MAP3K4: variants seen among roughly 807,000 people sequenced by gnomAD.
MAP3K4 encodes mitogen-activated protein kinase kinase kinase 4, also known as MAP three kinase 1.
In MAP3K4, 67 loss-of-function variants were observed where a neutral mutation model predicts 185.6. The ratio of observed to expected loss-of-function variants is 0.36; its 90% confidence interval spans 0.30 to 0.44. The LOEUF (loss-of-function observed/expected upper bound fraction) is 0.44, where lower values mean the gene tolerates loss of function less well. Among genes scored for constraint, MAP3K4 ranks in the 20% least tolerant of loss-of-function variants. The pLI, the probability that MAP3K4 is intolerant of heterozygous loss-of-function variation, is 1.00. For missense variants in MAP3K4, 1,551 were observed against 1,995.1 expected (o/e 0.78, Z 4.24); for synonymous variants, 702 against 710.4 (o/e 0.99, Z 0.19).
chr6:161,098,273 C>T lies in MAP3K4; in HGVS notation c.3525-5C>T. ...GTGTTCCTGAAGCTTTTCTTCTTGTCTTAGCACTCGGAGCATGCCTTCCGA... is the reference window on the plus strand; with the variant it reads ...GTGTTCCTGAAGCTTTTCTTCTTGTTTTAGCACTCGGAGCATGCCTTCCGA... On this transcript the variant is annotated splice_polypyrimidine_tract_variant and splice_region_variant and intron_variant, in intron 16 of 26. Coordinates refer to ENST00000392142, the MANE Select transcript of MAP3K4 (RefSeq NM_005922.4). The surrounding 1 kb of genome is among the most constrained non-coding windows in gnomAD (Gnocchi z 4.4). 1 of 1,611,750 alleles carries T rather than the reference C, an allele frequency of 6.2e-7. No homozygotes were observed. Among genetic ancestry groups the T allele is most frequent in the Non-Finnish European group, 8.5e-7 (1 of 1,178,892 alleles).
intron 5 of MAP3K4, among the ~76,000 whole-genome samples, chr6:161,078,599 G>A (rs1226218640): frequency 2.6e-5 from 4 of 152,170 alleles, no homozygotes; most frequent in African/African-American, 9.7e-5. Flanking sequence ...TTGAACTGGT[G>A]ATTTGGGGGT....
chr6:161,096,365 T>G lies in MAP3K4; in HGVS notation c.3428-715T>G, dbSNP rs1777573556. The stretch of plus-strand genomic sequence containing the variant: ...ACTAAGGAGGGTTAAAACAGAGTGG[T>G]AAAAGTGAAGAAGAGAAAAGCATGT... On this transcript the variant is annotated intron_variant, in intron 15 of 26. Transcript: ENST00000392142. The surrounding 1 kb of genome is among the most constrained non-coding windows in gnomAD (Gnocchi z 4.9). Among the ~76,000 whole-genome samples the G allele has an allele frequency of 6.6e-6, 1 of 151,838 alleles. No individual in the cohort carries two copies. Among genetic ancestry groups the G allele is most frequent in the East Asian group, 1.9e-4 (1 of 5,184 alleles).
At chr6:161,035,559 G>A (rs1440651876) in intron 2 of MAP3K4, among the ~76,000 whole-genome samples, 1 of 152,154 alleles carries the variant, frequency 6.6e-6, no homozygotes, top group African/African-American at 2.4e-5. Flanking sequence ...TCCCACAAAT[G>A]ATTTTTCCAC....
chr6:161,079,217 A>G (rs1360661931), intron 5 of MAP3K4, among the ~76,000 whole-genome samples: 1 of 3,410 alleles, frequency 2.9e-4, no homozygotes, highest in Non-Finnish European at 6.0e-4. Context: ...CTGTCTCAAG[A>G]AAAAAAAAAA....
Position 161,064,744 on chromosome 6 carries a change from A to T in MAP3K4, c.1708-5864A>T, listed in dbSNP as rs1383835344. On this transcript the variant is annotated intron_variant, in intron 3 of 26. Coordinates refer to ENST00000392142, the MANE Select transcript of MAP3K4 (RefSeq NM_005922.4). The surrounding 1 kb of genome is among the most constrained non-coding windows in gnomAD (Gnocchi z 4.3). ...GCATGGTCTTAATATAGAATCTCTA[A>T]GATGGAGAGCACCCTTTCAATGATT... 2.0e-5 allele frequency among the ~76,000 whole-genome samples: 3 copies of T among 152,226 alleles called. No homozygotes were observed. Among genetic ancestry groups the T allele is most frequent in the Admixed American group, 6.5e-5 (1 of 15,284 alleles).
intron 3 of MAP3K4, among the ~76,000 whole-genome samples, chr6:161,059,298 G>C (rs1784386107): frequency 6.6e-6 from 1 of 152,028 alleles, no homozygotes; most frequent in Non-Finnish European, 1.5e-5. Flanking sequence ...ACCACACCTG[G>C]CTAATTTTTT....
rs1030178976 is a variant in MAP3K4, at chr6:161,067,642, C to T, written c.1708-2966C>T. Among the ~76,000 whole-genome samples the T allele has an allele frequency of 6.6e-6, 1 of 152,186 alleles. No homozygotes were observed. Among genetic ancestry groups the T allele is most frequent in the Non-Finnish European group, 1.5e-5 (1 of 68,036 alleles). ...GCTAATGCAGATTACTACGTGGAAACGGTGTGTTCTTCCAACTTTATATTT... is the reference window on the plus strand; with the variant it reads ...GCTAATGCAGATTACTACGTGGAAATGGTGTGTTCTTCCAACTTTATATTT... On this transcript the variant is annotated intron_variant, in intron 3 of 26. Coordinates refer to ENST00000392142, the MANE Select transcript of MAP3K4 (RefSeq NM_005922.4). The surrounding 1 kb of genome is among the most constrained non-coding windows in gnomAD (Gnocchi z 6.3).
chr6:161,021,302 A>G (rs537994080), intron 1 of MAP3K4, among the ~76,000 whole-genome samples: 39 of 152,294 alleles, frequency 2.6e-4, no homozygotes, highest in African/African-American at 7.5e-4. Flanking sequence ...GGGATAAGAC[A>G]TAACGTAGTC....
At position 161,089,359 on chromosome 6, in the gene MAP3K4, A is replaced by T; in HGVS notation, c.2861A>T (p.His954Leu). The T allele has an allele frequency of 1.9e-6, 3 of 1,614,202 alleles. No individual in the cohort carries two copies. The highest frequency in any genetic ancestry group is 2.5e-6 in the Non-Finnish European group (3 of 1,180,044). ...TTACTAGTTGTCATGCAGTCTGCGC[A>T]TCTCACAATTCAGAGAAAAGCTTTC... The part of the protein sequence containing the change: ...NLLLVVMQSA[H>L]LTIQRKAFQQ... The change falls in exon 11 of 27, where the codon CAT becomes CTT. Residue 954 changes from histidine to leucine, a missense_variant. Around this residue, in one of 16 missense-constraint regions of MAP3K4, gnomAD observed 261 missense variants for 306.5 expected, o/e 0.85. Coordinates refer to ENST00000392142, the MANE Select transcript of MAP3K4 (RefSeq NM_005922.4).
Position 161,067,134 on chromosome 6 carries a change from C to T in MAP3K4, c.1708-3474C>T. The T allele has an allele frequency of 4.3e-6, 1 of 232,020 alleles. No homozygotes were observed. Among genetic ancestry groups the T allele is most frequent in the Non-Finnish European group, 9.1e-6 (1 of 109,800 alleles). 14.4% of individuals were successfully genotyped at this position (232,020 alleles called of 1,614,324 possible). ...AGGATGTGTGCGCCTGTGACACAGC[C>T]TCAGGACGTCCTGACTATGTGTGCC... On this transcript the variant is annotated intron_variant, in intron 3 of 26. Coordinates refer to ENST00000392142, the MANE Select transcript of MAP3K4 (RefSeq NM_005922.4). The surrounding 1 kb of genome is among the most constrained non-coding windows in gnomAD (Gnocchi z 6.3).
chr6:161,026,289 C>T (rs974154845), intron 1 of MAP3K4, among the ~76,000 whole-genome samples: 9 of 112,772 alleles, frequency 8.0e-5, no homozygotes, highest in East Asian at 5.2e-4. Context: ...CGCCACCACG[C>T]GCAGCTAATT....
At position 161,064,424 on chromosome 6, in the gene MAP3K4, C is replaced by T. The variant is rs940792539; in HGVS notation, c.1708-6184C>T. 7.9e-5 allele frequency among the ~76,000 whole-genome samples: 12 copies of T among 151,072 alleles called. No individual in the cohort carries two copies. The highest frequency in any genetic ancestry group is 7.9e-4 in the Admixed American group (12 of 15,176). ...TTGCTTATAACATACATTAGATAAC[C>T]CATTATTTTCCAACTTCTTAAACTG... On this transcript the variant is annotated intron_variant, in intron 3 of 26. Coordinates refer to ENST00000392142, the MANE Select transcript of MAP3K4 (RefSeq NM_005922.4). The surrounding 1 kb of genome is among the most constrained non-coding windows in gnomAD (Gnocchi z 4.3).
chr6:161,002,588 G>GGT (rs1781374283), intron 1 of MAP3K4, among the ~76,000 whole-genome samples: 1 of 92,352 alleles, frequency 1.1e-5, no homozygotes, highest in African/African-American at 3.8e-5. Flanking sequence ...AATAGTTTTG[G>GGT]CTTTTTTTTT....
At chr6:161,003,470 T>C (rs1012517012) in intron 1 of MAP3K4, among the ~76,000 whole-genome samples, 22 of 152,218 alleles carry the variant, frequency 1.4e-4, no homozygotes, top group Non-Finnish European at 2.8e-4. Flanking sequence ...TTCTTCTTGA[T>C]TAGAGTTCTA....
rs1781628874 is a variant in MAP3K4 at position 161,007,189 on chromosome 6, A to G, written c.152+15106A>G. 2.0e-5 allele frequency among the ~76,000 whole-genome samples: 3 copies of G among 152,322 alleles called. No individual in the cohort carries two copies. Among genetic ancestry groups the G allele is most frequent in the African/African-American group, 7.2e-5 (3 of 41,580 alleles). On this transcript the variant is annotated intron_variant, in intron 1 of 26. Coordinates refer to ENST00000392142, the MANE Select transcript of MAP3K4 (RefSeq NM_005922.4). The surrounding 1 kb of genome is among the most constrained non-coding windows in gnomAD (Gnocchi z 4.5). ...AGGTCTTGTTACTTGGGTGGAGTCA[A>G]CAGGGATCTGAAGGCAAGGTCTTCA...
At chr6:161,046,980 A>T (rs1401655542) in intron 2 of MAP3K4, among the ~76,000 whole-genome samples, 1 of 147,512 alleles carries the variant, frequency 6.8e-6, no homozygotes, top group Non-Finnish European at 1.5e-5. Context: ...TATATAAGAA[A>T]TATATACTAA....
intron 2 of MAP3K4, among the ~76,000 whole-genome samples, chr6:161,044,538 A>T (rs1783631452): frequency 6.6e-6 from 1 of 152,126 alleles, no homozygotes; most frequent in Non-Finnish European, 1.5e-5. Flanking sequence ...CCAACACCCT[A>T]GTGTTGTTCT....
In MAP3K4 at chr6:161,111,996, C is replaced by A. The variant is rs780918252; in HGVS notation, c.4519+38C>A. ...CTGGTTGTTCTTTGCACTCTGACTTCATGCAGCCTGCTTGGGGCCTGCATG... is the reference window on the plus strand; with the variant it reads ...CTGGTTGTTCTTTGCACTCTGACTTAATGCAGCCTGCTTGGGGCCTGCATG... On this transcript the variant is annotated intron_variant, in intron 24 of 26. Coordinates refer to ENST00000392142, the MANE Select transcript of MAP3K4 (RefSeq NM_005922.4). The A allele has an allele frequency of 3.7e-6, 6 of 1,609,426 alleles. No individual in the cohort carries two copies. In the Admixed American group the frequency reaches 6.7e-5, roughly 18 times the overall value.
intron 1 of MAP3K4, among the ~76,000 whole-genome samples, chr6:160,997,235 A>G (rs1051824823): frequency 6.6e-6 from 1 of 151,972 alleles, no homozygotes; most frequent in Non-Finnish European, 1.5e-5. Context: ...CCCACCCAGT[A>G]TTCTCCCCAT....
Sources: allele counts gnomAD v4.1 joint callset (sites outside exome capture counted in the v4.1 genomes callset), GRCh38; gene constraint gnomAD v4.1.1; regional missense constraint gnomAD v4.1.1; non-coding constraint Gnocchi (gnomAD v3.1); transcripts MANE v1.5; gene names NCBI Gene and HGNC (gene_info 2026-07-23, HGNC 2026-07-21).